The following ZNF90 variants were observed in gnomAD, a reference collection of about 807,000 sequenced individuals.
ZNF90 encodes zinc finger protein 90, also known as zinc finger protein HTF9.
In ZNF90, 11 loss-of-function variants were observed where a neutral mutation model predicts 12.0. The ratio of observed to expected loss-of-function variants is 0.92; its 90% CI spans 0.58 to 1.52. The LOEUF (loss-of-function observed/expected upper bound fraction) is 1.52. Among genes scored for constraint, ZNF90 ranks in the 40% most tolerant of loss-of-function variants. The pLI is 0.00. For synonymous variants in ZNF90, 232 were observed against 240.1 expected, an observed-to-expected ratio of 0.97 and a Z score of 0.31; for missense variants, 765 against 711.5, an observed-to-expected ratio of 1.08 and a Z score of -0.86.
At chr19:20,113,236 T>C (rs2089105628) in intron 3 of ZNF90, among the ~76,000 whole-genome samples, 1 of 152,044 alleles carries the variant, frequency 6.6e-6, no homozygotes, top group Admixed American at 6.6e-5. Flanking sequence ...TTACCCAGGC[T>C]GGAGTACAAT....
chr19:20,092,131 C>T (rs565052685), intron 1 of ZNF90, among the ~76,000 whole-genome samples: 1 of 152,198 alleles, frequency 6.6e-6, no homozygotes, highest in Admixed American at 6.5e-5. Flanking sequence ...CATTTAAGTC[C>T]AGGCCAGGAA....
intron 3 of ZNF90, among the ~76,000 whole-genome samples, chr19:20,113,539 T>G (rs2089109357): frequency 6.6e-6 from 1 of 151,404 alleles, no homozygotes; most frequent in South Asian, 2.1e-4. Context: ...ATAAAAACTC[T>G]CCTAATCTTG....
At chr19:20,092,206 T>C (rs2088908262) in intron 1 of ZNF90, among the ~76,000 whole-genome samples, 1 of 151,894 alleles carries the variant, frequency 6.6e-6, no homozygotes, top group South Asian at 2.1e-4. Context: ...GAGCAGAAAG[T>C]ATATGTGTCA....
intron 1 of ZNF90, among the ~76,000 whole-genome samples, chr19:20,090,856 T>C (rs60857530): frequency 0.015 from 2,258 of 152,312 alleles, 52 homozygotes; most frequent in African/African-American, 0.052. Flanking sequence ...CTGTCCAATC[T>C]TTTTTAAGTT....
intron 1 of ZNF90, among the ~76,000 whole-genome samples, chr19:20,089,853 A>G (rs2088888261): frequency 6.6e-6 from 1 of 152,200 alleles, no homozygotes; most frequent in African/African-American, 2.4e-5. Context: ...AGGGAAATGC[A>G]AAGGCAGCAG....
chr19:20,117,117 A>G (rs2089144936), intron 3 of ZNF90, among the ~76,000 whole-genome samples: 1 of 150,832 alleles, frequency 6.6e-6, no homozygotes, highest in South Asian at 2.1e-4. Flanking sequence ...ATCTTGGCCC[A>G]CCACATTCTC....
rs782177722 is a variant in ZNF90 at position 20,118,126 on chromosome 19, A to G, written c.572A>G (p.His191Arg). The G allele has an allele frequency of 4.3e-6, 7 of 1,610,768 alleles. No homozygotes were observed. In the Middle Eastern group the frequency reaches 6.6e-4, roughly 152 times the overall value. Residue 191 changes from histidine (H) to arginine (R), a missense_variant, in exon 4 of 4, where the codon CAT becomes CGT. Physicochemically the swap from His to Arg is conservative, Grantham distance 29. Coordinates refer to ENST00000418063, the MANE Select transcript of ZNF90 (RefSeq NM_007138.2). Reference sequence around the variant, plus strand: ...AACCAGTCCTCAACCCTTGCTACACATAAGAAAATTCATACTGGAGAGATA... The same window carrying G: ...AACCAGTCCTCAACCCTTGCTACACGTAAGAAAATTCATACTGGAGAGATA... ...AFNQSSTLAT[H>R]KKIHTGEITC...
chr19:20,097,663 A>C, intron 1 of ZNF90, among the ~76,000 whole-genome samples: 1 of 152,198 alleles, frequency 6.6e-6, no homozygotes, highest in East Asian at 1.9e-4. Context: ...CACTCCATCC[A>C]TTCTTGCCCT....
intron 1 of ZNF90, among the ~76,000 whole-genome samples, chr19:20,085,268 C>CTTTCTTTTTTCTTTTTTTTT (rs1555701915): frequency 1.2e-4 from 16 of 135,576 alleles, no homozygotes; most frequent in African/African-American, 4.7e-4. Context: ...TTGCATTGGT[C>CTTTCTTTTTTCTTTTTTTTT]TTTTTTTTTT....
rs868970862 is a variant in ZNF90 at position 20,119,650 on chromosome 19, C to T, written c.*290C>T. On this transcript the variant is annotated 3_prime_UTR_variant, in exon 4 of 4. Transcript: ENST00000418063. ...TTTTTTTTTTTTTAAGAAGGAGTTT[C>T]ATGCTTCTCACCCAGCCTGGAGTGC... 1.9e-5 allele frequency: 5 copies of T among 258,804 alleles called. No homozygotes were observed. Among genetic ancestry groups the T allele is most frequent in the African/African-American group, 1.2e-4 (5 of 42,890 alleles). The allele number at this position is 258,804 out of a possible 1,614,324, so 16.0% of individuals were successfully genotyped here.
At chr19:20,078,997 T>C (rs1434862681) in intron 1 of ZNF90, among the ~76,000 whole-genome samples, 1 of 151,380 alleles carries the variant, frequency 6.6e-6, no homozygotes, top group Non-Finnish European at 1.5e-5. Flanking sequence ...CAAGCGCCTG[T>C]AATCCCAGCA....
Position 20,118,723 on chromosome 19 carries a change from G to A in ZNF90, c.1169G>A (p.Ser390Asn), listed in dbSNP as rs1326353315. The A allele has an allele frequency of 2.4e-5, 39 of 1,607,604 alleles. No homozygotes were observed. The highest frequency in any genetic ancestry group is 3.1e-5 in the Non-Finnish European group (37 of 1,177,126). ...TCACTCCTTTATAAACATAAGATAAGTCATAGTGAAAAGAAACCCTACAAA... is the reference window on the plus strand; with the variant it reads ...TCACTCCTTTATAAACATAAGATAAATCATAGTGAAAAGAAACCCTACAAA... The part of the protein sequence containing the change: ...SSSLLYKHKI[S>N]HSEKKPYKCE... Residue 390 changes from serine (S) to asparagine (N), a missense_variant, in exon 4 of 4, where the codon AGT (serine) becomes AAT (asparagine). Transcript: ENST00000418063.
At chr19:20,110,844 CTTGT>C (rs1378632883) in intron 3 of ZNF90, among the ~76,000 whole-genome samples, 1 of 151,980 alleles carries the variant, frequency 6.6e-6, no homozygotes, top group South Asian at 2.1e-4. Flanking sequence ...CTAATGAAAA[CTTGT>C]TTATCTATTT....
intron 1 of ZNF90, among the ~76,000 whole-genome samples, chr19:20,098,877 C>G (rs1555703521): frequency 1.3e-5 from 2 of 152,126 alleles, no homozygotes; most frequent in East Asian, 3.9e-4. Flanking sequence ...GAGAGTTTCT[C>G]CAGTTTCCTG....
At chr19:20,100,989 T>C (rs1237478548) in intron 1 of ZNF90, among the ~76,000 whole-genome samples, 1 of 152,098 alleles carries the variant, frequency 6.6e-6, no homozygotes, top group Non-Finnish European at 1.5e-5. Context: ...TCCCATTGTA[T>C]GGGAGTTCTG....
chr19:20,086,769 T>C (rs974175134), intron 1 of ZNF90, among the ~76,000 whole-genome samples: 5 of 152,226 alleles, frequency 3.3e-5, no homozygotes, highest in Non-Finnish European at 7.3e-5. Context: ...CAAATAAAAT[T>C]TATACCAAAT....
At chr19:20,098,585 C>A (rs890545471) in intron 1 of ZNF90, among the ~76,000 whole-genome samples, 3 of 152,174 alleles carry the variant, frequency 2.0e-5, no homozygotes, top group African/African-American at 7.2e-5. Context: ...GCTAGCAAAT[C>A]AGGACAGGAG....
intron 3 of ZNF90, among the ~76,000 whole-genome samples, chr19:20,117,358 C>T (rs527742144): frequency 2.6e-4 from 39 of 151,420 alleles, no homozygotes; most frequent in South Asian, 1.0e-3. Context: ...TTCTTTGTTT[C>T]GTTTCTTTTC....
chr19:20,078,738 T>TTGAG (rs2088797022), intron 1 of ZNF90, among the ~76,000 whole-genome samples: 1 of 152,130 alleles, frequency 6.6e-6, no homozygotes, highest in South Asian at 2.1e-4. Flanking sequence ...TGGAAAAAGC[T>TTGAG]TGAGTGTAAG....
Sources: gnomAD v4.1 joint callset for allele counts (sites outside exome capture counted in the v4.1 genomes callset) on GRCh38, gnomAD v4.1.1 for gene constraint, MANE v1.5 for transcripts, NCBI Gene and HGNC (gene_info 2026-07-23, HGNC 2026-07-21) for gene names.